The following NSMCE2 variants were observed in gnomAD, a reference collection of about 807,000 sequenced individuals.
NSMCE2 encodes the protein E3 SUMO-protein ligase NSE2.
NSMCE2 carries 24 observed loss-of-function variants against 23.8 expected under a neutral mutation model. The observed-to-expected ratio is 1.01, with a 90% confidence interval of 0.73 to 1.42. The LOEUF is 1.42. NSMCE2 is among the 40% of genes most tolerant of loss of function. NSMCE2 has a pLI of 0.00. For synonymous variants in NSMCE2, 92 were observed against 94.1 expected, an observed-to-expected ratio of 0.98 and a Z score of 0.13; for missense variants, 284 against 296.5, an observed-to-expected ratio of 0.96 and a Z score of 0.31.
chr8:125,245,870 A>G (rs188304623), intron 5 of NSMCE2, among the ~76,000 whole-genome samples: 256 of 152,186 alleles, frequency 1.7e-3, no homozygotes, highest in Middle Eastern at 0.01. Flanking sequence ...TACTAAAAAT[A>G]CAACAACTAA....
chr8:125,334,199 A>G (rs1164770162), intron 5 of NSMCE2, among the ~76,000 whole-genome samples: 3 of 152,166 alleles, frequency 2.0e-5, no homozygotes, highest in African/African-American at 7.2e-5. Context: ...TGCTAAATTA[A>G]GCCATTTTGC....
chr8:125,220,639 A>G (rs1563727349), intron 5 of NSMCE2, among the ~76,000 whole-genome samples: 1 of 149,620 alleles, frequency 6.7e-6, no homozygotes, highest in Non-Finnish European at 1.5e-5. Flanking sequence ...TAACATCATT[A>G]TTTAAAAAAA....
chr8:125,156,209 G>A (rs1424618855), intron 4 of NSMCE2: 1 of 187,474 alleles, frequency 5.3e-6, no homozygotes, highest in Non-Finnish European at 1.1e-5. Flanking sequence ...AGCTTTTATT[G>A]TTTTTATTAT....
chr8:125,364,060 C>T lies in NSMCE2; in HGVS notation c.627-2708C>T, dbSNP rs567236612. 1.2e-4 allele frequency among the ~76,000 whole-genome samples: 18 copies of T among 152,238 alleles called. No homozygotes were observed. The South Asian group carries it at 3.5e-3, about 30-fold the overall frequency. On this transcript the variant is annotated intron_variant, in intron 7 of 7. Transcript: ENST00000287437. ...CTGGATTCAAGTGATTTTCCTGCCT[C>T]AGCCTCACGAGTAGCTGGGATTACA...
chr8:125,160,345 G>C (rs1821541384), intron 4 of NSMCE2, among the ~76,000 whole-genome samples: 1 of 152,152 alleles, frequency 6.6e-6, no homozygotes, highest in Non-Finnish European at 1.5e-5. Flanking sequence ...TGTCTGAAAG[G>C]GAATTTCAAG....
At chr8:125,298,699 T>G (rs1174655626) in intron 5 of NSMCE2, among the ~76,000 whole-genome samples, 5 of 150,890 alleles carry the variant, frequency 3.3e-5, no homozygotes, top group Non-Finnish European at 5.9e-5. Flanking sequence ...TTTTTTTTGT[T>G]TTTTTTTTTT....
chr8:125,272,696 T>TGG (rs1827253805), intron 5 of NSMCE2, among the ~76,000 whole-genome samples: 2 of 84,804 alleles, frequency 2.4e-5, no homozygotes, highest in South Asian at 6.2e-4. Flanking sequence ...CCCAGCTACT[T>TGG]GGGATATATA....
At chr8:125,157,308 C>T (rs1447663583) in intron 4 of NSMCE2, among the ~76,000 whole-genome samples, 2 of 152,188 alleles carry the variant, frequency 1.3e-5, no homozygotes, top group African/African-American at 2.4e-5. Context: ...CTTCTCTACT[C>T]GCTGCATATG....
chr8:125,269,380 C>T (rs1248136201), intron 5 of NSMCE2, among the ~76,000 whole-genome samples: 1 of 152,176 alleles, frequency 6.6e-6, no homozygotes, highest in Admixed American at 6.5e-5. Flanking sequence ...GCCACTGCAC[C>T]CAGCCGACTC....
At chr8:125,266,216 C>T (rs1053376182) in intron 5 of NSMCE2, among the ~76,000 whole-genome samples, 1 of 152,030 alleles carries the variant, frequency 6.6e-6, no homozygotes, top group Non-Finnish European at 1.5e-5. Context: ...CTCGGCCTCC[C>T]GAGTAGTTGG....
intron 3 of NSMCE2, among the ~76,000 whole-genome samples, chr8:125,141,702 C>G (rs1036242521): frequency 6.6e-6 from 1 of 152,158 alleles, no homozygotes; most frequent in African/African-American, 2.4e-5. Context: ...AATGTAGTCT[C>G]TGTGGAGAGG....
At chr8:125,248,886 G>T (rs1415900068) in intron 5 of NSMCE2, among the ~76,000 whole-genome samples, 2 of 152,004 alleles carry the variant, frequency 1.3e-5, no homozygotes, top group African/African-American at 4.8e-5. Context: ...GGCAGAGCCA[G>T]CAGCCAGGCA....
At chr8:125,235,981 C>A (rs553291880) in intron 5 of NSMCE2, among the ~76,000 whole-genome samples, 2 of 152,272 alleles carry the variant, frequency 1.3e-5, no homozygotes, top group African/African-American at 4.8e-5. Context: ...ATTTCTATTC[C>A]TGGAAATATG....
intron 3 of NSMCE2, among the ~76,000 whole-genome samples, chr8:125,118,822 A>G (rs1428081671): frequency 1.3e-5 from 2 of 152,200 alleles, no homozygotes; most frequent in Non-Finnish European, 2.9e-5. Flanking sequence ...GTGTGGGTTA[A>G]TCAGTTTCAT....
intron 5 of NSMCE2, among the ~76,000 whole-genome samples, chr8:125,300,987 C>T (rs897199416): frequency 2.0e-5 from 3 of 152,188 alleles, no homozygotes; most frequent in Non-Finnish European, 2.9e-5. Flanking sequence ...GACTCACTGA[C>T]GTTCCATCCT....
At chr8:125,298,891 G>C (rs576451037) in intron 5 of NSMCE2, among the ~76,000 whole-genome samples, 1 of 152,180 alleles carries the variant, frequency 6.6e-6, no homozygotes, top group Non-Finnish European at 1.5e-5. Flanking sequence ...ATGGGATTAA[G>C]TTTGGGGTGA....
At chr8:125,138,539 T>C (rs1820190607) in intron 3 of NSMCE2, among the ~76,000 whole-genome samples, 1 of 152,080 alleles carries the variant, frequency 6.6e-6, no homozygotes, top group Non-Finnish European at 1.5e-5. Context: ...TTTTTTGTTG[T>C]TTTTTTAATT....
chr8:125,114,113 GAAA>G (rs1254408392), intron 3 of NSMCE2, among the ~76,000 whole-genome samples: 1 of 152,126 alleles, frequency 6.6e-6, no homozygotes, highest in East Asian at 1.9e-4. Flanking sequence ...CTAGGCCCTT[GAAA>G]TTTAGAATTG....
chr8:125,342,049 G>A lies in NSMCE2; in HGVS notation c.419-15170G>A, dbSNP rs150282974. ...GGGGGGTTAAGGGGAGACTCCTGGG[G>A]ACCCCTGAGTGAGAAGTTTTCCTAG... On this transcript the variant is annotated intron_variant, in intron 5 of 7. Transcript: ENST00000287437. 1.2e-3 allele frequency among the ~76,000 whole-genome samples: 178 copies of A among 152,274 alleles called. 3 individuals are homozygous for A. In the East Asian group the frequency reaches 0.032, roughly 27 times the overall value.
Sources: allele counts gnomAD v4.1 joint callset (sites outside exome capture counted in the v4.1 genomes callset), GRCh38; gene constraint gnomAD v4.1.1; transcripts MANE v1.5; gene names NCBI Gene and HGNC (gene_info 2026-07-23, HGNC 2026-07-21).